Variants in DLG2 observed in about 807,000 individuals in gnomAD.
DLG2 encodes the protein disks large homolog 2.
DLG2 carries 45 observed loss-of-function variants against 132.5 expected under a neutral mutation model. The observed-to-expected ratio is 0.34, with a 90% CI of 0.27 to 0.44. The LOEUF (loss-of-function observed/expected upper bound fraction) is 0.44, where lower values mean the gene tolerates loss of function less well. DLG2 is among the 20% of genes least tolerant of loss of function. DLG2 has a pLI of 1.00. For synonymous variants in DLG2, 424 were observed against 419.6 expected (o/e 1.01, Z -0.13); for missense variants, 1,045 against 1,196.9 (o/e 0.87, Z 1.87).
intron 3 of DLG2, among the ~76,000 whole-genome samples, chr11:85,356,500 TG>T (rs1352898750): frequency 6.6e-6 from 1 of 152,168 alleles, no homozygotes; most frequent in Non-Finnish European, 1.5e-5. Context: ...GATCCAATTT[TG>T]ATAAGTCTGG....
intron 4 of DLG2, among the ~76,000 whole-genome samples, chr11:85,275,113 G>T (rs564289798): frequency 7.2e-5 from 11 of 152,090 alleles, no homozygotes; most frequent in South Asian, 2.1e-4. Flanking sequence ...TTTTGTCAAT[G>T]ATTTTCAGTG....
chr11:85,225,805 C>G (rs2074940419), intron 4 of DLG2, among the ~76,000 whole-genome samples: 1 of 152,082 alleles, frequency 6.6e-6, no homozygotes, highest in Non-Finnish European at 1.5e-5. Flanking sequence ...TTCTGACTAC[C>G]ATTTCTCCAT....
chr11:84,652,267 C>T (rs1207562635), intron 6 of DLG2, among the ~76,000 whole-genome samples: 1 of 151,830 alleles, frequency 6.6e-6, no homozygotes, highest in Non-Finnish European at 1.5e-5. Flanking sequence ...TTCTTTTTCT[C>T]GAGTTTTGTA....
At chr11:84,039,423 T>C (rs1430333780) in intron 11 of DLG2, among the ~76,000 whole-genome samples, 1 of 125,648 alleles carries the variant, frequency 8.0e-6, no homozygotes, top group Non-Finnish European at 1.6e-5. Flanking sequence ...CCTGTGTCCA[T>C]GTGATCTCAT....
At chr11:85,238,778 C>CA (rs1268374763) in intron 4 of DLG2, among the ~76,000 whole-genome samples, 1 of 151,704 alleles carries the variant, frequency 6.6e-6, no homozygotes. Context: ...GCAAAAAGTT[C>CA]AAGGTTTTTC....
intron 3 of DLG2, among the ~76,000 whole-genome samples, chr11:85,319,733 G>T (rs74907734): frequency 3.0e-4 from 46 of 151,784 alleles, no homozygotes; most frequent in African/African-American, 1.0e-3. Flanking sequence ...TGTTCAATGT[G>T]CATTAACATA....
At chr11:83,658,678 G>T (rs1031073643) in intron 18 of DLG2, among the ~76,000 whole-genome samples, 12 of 152,184 alleles carry the variant, frequency 7.9e-5, no homozygotes, top group African/African-American at 9.6e-5. Context: ...AACACTGCTT[G>T]AGCAATGTAA....
intron 19 of DLG2, among the ~76,000 whole-genome samples, chr11:83,561,640 T>C (rs2096611048): frequency 6.6e-6 from 1 of 152,212 alleles, no homozygotes; most frequent in Non-Finnish European, 1.5e-5. Flanking sequence ...TGAGAGTTGT[T>C]GACAAAGCAC....
intron 7 of DLG2, among the ~76,000 whole-genome samples, chr11:84,447,086 A>G (rs138669773): frequency 1.6e-4 from 25 of 152,062 alleles, no homozygotes; most frequent in African/African-American, 5.3e-4. Context: ...TGGGGAAATC[A>G]ACTAATTAAA....
At chr11:84,824,413 C>T (rs2078078285) in intron 6 of DLG2, among the ~76,000 whole-genome samples, 1 of 151,852 alleles carries the variant, frequency 6.6e-6, no homozygotes, top group Non-Finnish European at 1.5e-5. Context: ...TGATTTTAAA[C>T]AGTAAATACT....
chr11:85,508,114 C>T (rs926660772), intron 3 of DLG2, among the ~76,000 whole-genome samples: 20 of 152,064 alleles, frequency 1.3e-4, no homozygotes, highest in Non-Finnish European at 2.8e-4. Flanking sequence ...ATCTAATCTT[C>T]TTTCAAGGTT....
At chr11:84,932,962 A>T (rs1233139411) in intron 6 of DLG2, among the ~76,000 whole-genome samples, 1 of 152,172 alleles carries the variant, frequency 6.6e-6, no homozygotes, top group Non-Finnish European at 1.5e-5. Flanking sequence ...TGCTTGAACT[A>T]ATTTACATTC....
At chr11:84,047,670 T>C (rs1466520126) in intron 11 of DLG2, among the ~76,000 whole-genome samples, 2 of 151,658 alleles carry the variant, frequency 1.3e-5, no homozygotes, top group Non-Finnish European at 3.0e-5. Flanking sequence ...AAAATAATTT[T>C]GACTTCAAAA....
intron 19 of DLG2, among the ~76,000 whole-genome samples, chr11:83,554,173 C>A (rs1419800899): frequency 3.3e-5 from 5 of 152,092 alleles, no homozygotes; most frequent in African/African-American, 1.2e-4. Flanking sequence ...AATGAACCAC[C>A]ATGCCAGGCC....
intron 4 of DLG2, among the ~76,000 whole-genome samples, chr11:85,192,582 G>A (rs2080682952): frequency 6.6e-6 from 1 of 152,180 alleles, no homozygotes. Context: ...CTTATTAAAA[G>A]TGCTAGGAAA....
intron 5 of DLG2, among the ~76,000 whole-genome samples, chr11:85,151,380 T>C (rs1273350494): frequency 1.4e-4 from 2 of 14,064 alleles, no homozygotes; most frequent in Non-Finnish European, 2.6e-4. Flanking sequence ...GCAGTACAAT[T>C]TGTTTTTTTT....
intron 3 of DLG2, among the ~76,000 whole-genome samples, chr11:85,320,134 C>T (rs1274112121): frequency 2.6e-5 from 4 of 151,836 alleles, no homozygotes; most frequent in African/African-American, 9.7e-5. Context: ...TCAGCATCAT[C>T]CTGTAGATAA....
intron 22 of DLG2, among the ~76,000 whole-genome samples, chr11:83,481,886 T>C (rs190450186): frequency 2.0e-5 from 3 of 152,256 alleles, no homozygotes; most frequent in African/African-American, 7.2e-5. Context: ...AACATTTGCA[T>C]ATTCTGGATT....
At chr11:84,471,581 A>AG (rs1286658923) in intron 7 of DLG2, among the ~76,000 whole-genome samples, 2 of 151,736 alleles carry the variant, frequency 1.3e-5, no homozygotes, top group African/African-American at 2.4e-5. Flanking sequence ...AAGGAGTGAA[A>AG]GGGGATTCCG....
Sources: allele counts gnomAD v4.1 joint callset (sites outside exome capture counted in the v4.1 genomes callset), GRCh38; gene constraint gnomAD v4.1.1; transcripts MANE v1.5; gene names NCBI Gene and HGNC (gene_info 2026-07-23, HGNC 2026-07-21).